Variants in MAF observed in about 807,000 individuals in gnomAD.
MAF encodes MAF bZIP transcription factor, also known as transcription factor Maf.
Under a neutral mutation model 22.0 loss-of-function variants are expected in MAF, and 10 were observed. The ratio of observed to expected loss-of-function variants is 0.45; its 90% CI spans 0.28 to 0.77. MAF has a LOEUF of 0.77. MAF is among the 30% of genes least tolerant of loss of function. The pLI is 0.12. For missense variants in MAF, 544 were observed against 548.4 expected (o/e 0.99, Z 0.08); for synonymous variants, 337 against 255.8 (o/e 1.32, Z -3.03).
the MAF span, among the ~76,000 whole-genome samples, chr16:79,506,622 C>G: frequency 6.6e-6 from 1 of 152,194 alleles, no homozygotes; most frequent in Non-Finnish European, 1.5e-5. Context: ...GGCCAAGACC[C>G]AGAGGCAGTA....
chr16:79,357,922 C>T, the MAF span, among the ~76,000 whole-genome samples: 5 of 152,176 alleles, frequency 3.3e-5, no homozygotes, highest in African/African-American at 9.7e-5. Flanking sequence ...CTAACCTGAT[C>T]CGGGCTGGGA....
downstream of MAF, among the ~76,000 whole-genome samples, chr16:79,582,350 ATTTTG>A (rs1912572860): frequency 6.6e-6 from 1 of 152,158 alleles, no homozygotes; most frequent in African/African-American, 2.4e-5. Flanking sequence ...CAGAAGCATC[ATTTTG>A]TTTTAAGTAA....
chr16:79,535,960 T>G, the MAF span, among the ~76,000 whole-genome samples: 1 of 152,204 alleles, frequency 6.6e-6, no homozygotes, highest in South Asian at 2.1e-4. Context: ...GTATTCATCA[T>G]CCACTTATTT....
chr16:79,578,747 C>T, the MAF span, among the ~76,000 whole-genome samples: 79,116 of 152,016 alleles, frequency 0.52, 21,722 homozygotes, highest in East Asian at 0.85. Context: ...TCGCAAATTA[C>T]TTTTTCCTTT....
At chr16:79,468,328 G>T in the MAF span, among the ~76,000 whole-genome samples, 3 of 152,300 alleles carry the variant, frequency 2.0e-5, no homozygotes, top group East Asian at 5.8e-4. Context: ...GCACTGGGGG[G>T]ATGCCCCTGC....
the MAF span, among the ~76,000 whole-genome samples, chr16:79,275,930 A>T: frequency 2.0e-5 from 3 of 152,170 alleles, no homozygotes; most frequent in East Asian, 5.8e-4. Flanking sequence ...TCACGAGGTC[A>T]GGAGATCGAG....
chr16:79,468,359 A>G, the MAF span, among the ~76,000 whole-genome samples: 7 of 152,146 alleles, frequency 4.6e-5, no homozygotes, highest in Non-Finnish European at 1.5e-5. Context: ...CCCTCAACTA[A>G]AATGCTGACT....
chr16:79,418,165 T>G, the MAF span, among the ~76,000 whole-genome samples: 2 of 152,174 alleles, frequency 1.3e-5, no homozygotes, highest in Admixed American at 6.5e-5. Flanking sequence ...TCATTGTGTC[T>G]CGAGAACACA....
the MAF span, among the ~76,000 whole-genome samples, chr16:79,216,547 A>C: frequency 6.6e-6 from 1 of 152,166 alleles, no homozygotes; most frequent in African/African-American, 2.4e-5. Context: ...CCCTCTAATA[A>C]ATCAGGCTAA....
At chr16:79,285,779 G>A in the MAF span, among the ~76,000 whole-genome samples, 1 of 152,174 alleles carries the variant, frequency 6.6e-6, no homozygotes, top group Non-Finnish European at 1.5e-5. Context: ...GGCGGGAGGT[G>A]ACTTCCCCAA....
chr16:79,592,563 G>C (rs528068736), downstream of MAF, among the ~76,000 whole-genome samples: 1 of 152,194 alleles, frequency 6.6e-6, no homozygotes. Flanking sequence ...GGCTGGACCT[G>C]GACCACCTCC....
the MAF span, among the ~76,000 whole-genome samples, chr16:79,289,234 C>A: frequency 6.6e-6 from 1 of 152,096 alleles, no homozygotes; most frequent in African/African-American, 2.4e-5. Context: ...AGTGCTCTGG[C>A]AGCAGAGTGG....
chr16:79,474,268 G>C, the MAF span, among the ~76,000 whole-genome samples: 1 of 152,132 alleles, frequency 6.6e-6, no homozygotes, highest in Non-Finnish European at 1.5e-5. Context: ...TTTTGTATTC[G>C]CCTCTTTGGG....
chr16:79,594,265 G>A lies in MAF; in HGVS notation c.*195C>T, dbSNP rs756747039. 9 of 587,974 alleles carry A rather than the reference G, an allele frequency of 1.5e-5. No homozygotes were observed. The highest frequency in any genetic ancestry group is 5.6e-5 in the African/African-American group (3 of 53,768). The allele number at this position is 587,974 out of a possible 1,614,324, so 36.4% of individuals were successfully genotyped here. A position where few individuals can be genotyped will look rare whatever the true frequency, so the allele number is the denominator to read the frequency against. ...ACCATAAATCGAAAAGCAGGAGTGC[G>A]CTTTCCTACCGGTCTCTATGAAACC... On this transcript the variant is annotated 3_prime_UTR_variant, in exon 2 of 2. Coordinates refer to ENST00000326043, the MANE Select transcript of MAF (RefSeq NM_005360.5).
At chr16:79,545,530 A>G in the MAF span, among the ~76,000 whole-genome samples, 3 of 152,162 alleles carry the variant, frequency 2.0e-5, no homozygotes, top group Non-Finnish European at 4.4e-5. Context: ...CATTGGAAAA[A>G]AAAAAAAAGA....
At chr16:79,271,358 T>C in the MAF span, among the ~76,000 whole-genome samples, 1 of 152,166 alleles carries the variant, frequency 6.6e-6, no homozygotes, top group Non-Finnish European at 1.5e-5. Context: ...TCCCAATGTA[T>C]GTAAATACCC....
At chr16:79,598,596 G>GTGTGTC in intron 1 of MAF, 189 bp downstream of exon 1, 1 of 1,488,234 alleles carries the variant, frequency 6.7e-7, no homozygotes, top group Admixed American at 2.0e-5. Flanking sequence ...GTGTGTGTGT[G>GTGTGTC]TGTGTGTGTG....
chr16:79,447,891 C>CAAAAAAAAAAAAAAAAAAAAAAAAA, the MAF span, among the ~76,000 whole-genome samples: 4 of 72,584 alleles, frequency 5.5e-5, no homozygotes, highest in African/African-American at 2.3e-4. Context: ...GATTCCATCT[C>CAAAAAAAAAAAAAAAAAAAAAAAAA]AAAAAAAAAA....
chr16:79,385,719 G>A, the MAF span, among the ~76,000 whole-genome samples: 5 of 152,114 alleles, frequency 3.3e-5, no homozygotes, highest in Non-Finnish European at 7.4e-5. Flanking sequence ...TGGCCAACAT[G>A]GCAAAACCCT....
Sources: allele counts gnomAD v4.1 joint callset (sites outside exome capture counted in the v4.1 genomes callset), GRCh38; gene constraint gnomAD v4.1.1; transcripts MANE v1.5; gene names NCBI Gene and HGNC (gene_info 2026-07-23, HGNC 2026-07-21).